The following HCN1 variants were observed in gnomAD, a reference collection of about 807,000 sequenced individuals.
HCN1 encodes the protein hyperpolarization activated cyclic nucleotide gated potassium channel 1.
Under a neutral mutation model 78.9 loss-of-function variants are expected in HCN1, and 13 were observed. That is an observed-to-expected ratio of 0.16 (90% CI 0.11 to 0.26). The LOEUF is 0.26. Among genes scored for constraint, HCN1 ranks in the 10% least tolerant of loss-of-function variants. HCN1 has a pLI of 1.00. For missense variants in HCN1, 810 were observed against 1,154.3 expected (o/e 0.70, Z 4.32); for synonymous variants, 552 against 455.5 (o/e 1.21, Z -2.70).
chr5:45,634,436 C>A (rs992910189), intron 2 of HCN1, among the ~76,000 whole-genome samples: 42 of 151,916 alleles, frequency 2.8e-4, no homozygotes, highest in Non-Finnish European at 1.2e-4. Context: ...TGTTTGAGAG[C>A]AGAAAACTGG....
chr5:45,635,584 T>C (rs182521776), intron 2 of HCN1, among the ~76,000 whole-genome samples: 11 of 152,244 alleles, frequency 7.2e-5, no homozygotes, highest in African/African-American at 2.6e-4. Flanking sequence ...AAAAAGAATT[T>C]AGCTGTCTTA....
chr5:45,281,806 A>G (rs576432537), intron 6 of HCN1, among the ~76,000 whole-genome samples: 14 of 151,248 alleles, frequency 9.3e-5, no homozygotes, highest in African/African-American at 2.9e-4. Context: ...ATTTGCCAGG[A>G]TGGTCTTGAT....
intron 5 of HCN1, among the ~76,000 whole-genome samples, chr5:45,313,955 C>A (rs777460772): frequency 1.3e-5 from 2 of 152,126 alleles, no homozygotes; most frequent in Non-Finnish European, 2.9e-5. Flanking sequence ...AGGATATTAT[C>A]CAGGAGAACT....
rs150468500 is a variant in HCN1, at chr5:45,378,225, G to A, written c.1230+18267C>T. ...AACCAGGGTTCCAATTTCCTAATGC[G>A]TAATCTTTGTCATTATCCCTCATCA... On this transcript the variant is annotated intron_variant, in intron 4 of 7. Transcript: ENST00000303230. 1.5e-3 allele frequency among the ~76,000 whole-genome samples: 221 copies of A among 152,118 alleles called. 1 individual carries two copies. The highest frequency in any genetic ancestry group is 3.0e-3 in the Admixed American group (45 of 15,212).
rs1050823208 is a variant in HCN1, at chr5:45,256,268, G to C, written c.*5653C>G. 16 of 151,774 alleles carry C rather than the reference G, an allele frequency of 1.1e-4. No homozygotes were observed. Among genetic ancestry groups the C allele is most frequent in the African/African-American group, 3.9e-4 (16 of 41,288 alleles). The allele number at this position is 151,774 out of a possible 1,614,324, so 9.4% of individuals were successfully genotyped here. ...GGCACCTGTAATCCCAGCTACTCTG[G>C]AGGCTGATGCAGGAGAATTGCTTAA... On this transcript the variant is annotated 3_prime_UTR_variant, in exon 8 of 8. Transcript: ENST00000303230.
intron 1 of HCN1, among the ~76,000 whole-genome samples, chr5:45,646,657 C>T (rs990250826): frequency 6.6e-6 from 1 of 152,048 alleles, no homozygotes; most frequent in African/African-American, 2.4e-5. Flanking sequence ...AACTTCATTG[C>T]TGGTTTATAT....
intron 2 of HCN1, among the ~76,000 whole-genome samples, chr5:45,466,313 CA>C (rs1003070693): frequency 1.3e-5 from 2 of 152,004 alleles, no homozygotes; most frequent in African/African-American, 4.8e-5. Flanking sequence ...CTTCCTTAAC[CA>C]AAAAACTATC....
At chr5:45,695,332 G>C (rs1739985318) in intron 1 of HCN1, among the ~76,000 whole-genome samples, 1 of 152,060 alleles carries the variant, frequency 6.6e-6, no homozygotes, top group Non-Finnish European at 1.5e-5. Context: ...TCACGCTCTC[G>C]TCTCTGAAGT....
chr5:45,622,927 A>G (rs1745097733), intron 2 of HCN1, among the ~76,000 whole-genome samples: 1 of 152,122 alleles, frequency 6.6e-6, no homozygotes, highest in East Asian at 1.9e-4. Context: ...TCTTCCATTA[A>G]GTGATGGCAC....
intron 2 of HCN1, among the ~76,000 whole-genome samples, chr5:45,509,702 T>C (rs1742372804): frequency 6.6e-6 from 1 of 152,182 alleles, no homozygotes; most frequent in African/African-American, 2.4e-5. Context: ...TATTGACAGA[T>C]ATAGCCAGTA....
chr5:45,499,436 C>G (rs1399247940), intron 2 of HCN1, among the ~76,000 whole-genome samples: 1 of 152,212 alleles, frequency 6.6e-6, no homozygotes, highest in Non-Finnish European at 1.5e-5. Context: ...AATGCCTCGC[C>G]CTGCTTCGGC....
At chr5:45,604,233 T>G (rs1463342293) in intron 2 of HCN1, among the ~76,000 whole-genome samples, 5 of 151,964 alleles carry the variant, frequency 3.3e-5, no homozygotes, top group Non-Finnish European at 7.4e-5. Flanking sequence ...AGATAAGACT[T>G]TTGTTTTTGT....
intron 5 of HCN1, among the ~76,000 whole-genome samples, chr5:45,333,194 A>G (rs916745964): frequency 2.0e-5 from 3 of 151,766 alleles, no homozygotes; most frequent in African/African-American, 7.2e-5. Context: ...ACTTGGGTAG[A>G]TGATATCTCA....
intron 1 of HCN1, among the ~76,000 whole-genome samples, chr5:45,666,570 T>G (rs1270020133): frequency 6.6e-6 from 1 of 152,096 alleles, no homozygotes; most frequent in Non-Finnish European, 1.5e-5. Context: ...CTGAATCATG[T>G]CTTTTCCTTC....
At chr5:45,513,076 C>T (rs73101258) in intron 2 of HCN1, among the ~76,000 whole-genome samples, 88 of 152,024 alleles carry the variant, frequency 5.8e-4, no homozygotes, top group African/African-American at 1.9e-3. Context: ...GATTATATTT[C>T]GAAGACACCC....
chr5:45,688,891 T>C (rs1421254187), intron 1 of HCN1, among the ~76,000 whole-genome samples: 1 of 152,044 alleles, frequency 6.6e-6, no homozygotes, highest in Non-Finnish European at 1.5e-5. Flanking sequence ...AAAAATACTA[T>C]ATATTGCATG....
chr5:45,570,404 G>A (rs1018758518), intron 2 of HCN1, among the ~76,000 whole-genome samples: 1 of 152,056 alleles, frequency 6.6e-6, no homozygotes, highest in Non-Finnish European at 1.5e-5. Context: ...TTATTAGGCA[G>A]GCCAATTGAT....
intron 2 of HCN1, among the ~76,000 whole-genome samples, chr5:45,622,328 T>C (rs1467921300): frequency 1.3e-5 from 2 of 152,088 alleles, no homozygotes; most frequent in Admixed American, 6.5e-5. Context: ...TTTTTCTGAG[T>C]GCTATGGGTC....
intron 1 of HCN1, among the ~76,000 whole-genome samples, chr5:45,670,559 A>C (rs1468406651): frequency 6.6e-6 from 1 of 151,716 alleles, no homozygotes; most frequent in African/African-American, 2.4e-5. Flanking sequence ...TGCATTTTTT[A>C]ACAGGAATAA....
Sources: gnomAD v4.1 joint callset for allele counts (sites outside exome capture counted in the v4.1 genomes callset) on GRCh38, gnomAD v4.1.1 for gene constraint, MANE v1.5 for transcripts, NCBI Gene and HGNC (gene_info 2026-07-23, HGNC 2026-07-21) for gene names.